ZC2HC1A: variants seen among roughly 807,000 people sequenced by gnomAD.
ZC2HC1A encodes zinc finger C2HC domain-containing protein 1A.
In ZC2HC1A, 28 loss-of-function variants were observed where a neutral mutation model predicts 40.7. That is an observed-to-expected ratio of 0.69 (90% CI 0.51 to 0.94). The LOEUF (loss-of-function observed/expected upper bound fraction) is 0.94. ZC2HC1A is among the 40% of genes least tolerant of loss of function. ZC2HC1A has a pLI of 0.00. For missense variants in ZC2HC1A, 389 were observed against 386.3 expected (o/e 1.01, Z -0.06); for synonymous variants, 129 against 129.2 (o/e 1.00, Z 0.01).
intron 8 of ZC2HC1A, 77 bp downstream of exon 8, chr8:78,715,405 G>T: frequency 7.7e-7 from 1 of 1,303,722 alleles, no homozygotes. Flanking sequence ...ATACACAAAA[G>T]TAAGTAACAA....
rs1811177535 is a variant in ZC2HC1A at position 78,718,683 on chromosome 8, A to C, written c.*1190A>C. 6.6e-6 allele frequency: 1 copy of C among 151,868 alleles called. No homozygotes were observed. Among genetic ancestry groups the C allele is most frequent in the South Asian group, 2.1e-4 (1 of 4,830 alleles). The allele number at this position is 151,868 out of a possible 1,614,324, so 9.4% of individuals were successfully genotyped here. A position where few individuals can be genotyped will look rare whatever the true frequency, so the allele number is the denominator to read the frequency against. On this transcript the variant is annotated 3_prime_UTR_variant, in exon 9 of 9. Coordinates refer to ENST00000263849, the MANE Select transcript of ZC2HC1A (RefSeq NM_016010.3). Reference sequence around the variant, plus strand: ...CCTAATTAAACATACACACAAATTTAATTATTTTTTTCTCTTTAACCTGAT... The same window carrying C: ...CCTAATTAAACATACACACAAATTTCATTATTTTTTTCTCTTTAACCTGAT...
chr8:78,711,544 T>G (rs1191641768), intron 7 of ZC2HC1A, among the ~76,000 whole-genome samples: 2 of 152,096 alleles, frequency 1.3e-5, no homozygotes, highest in Non-Finnish European at 2.9e-5. Context: ...GTACATGTTA[T>G]TTAGTCAATT....
rs557342849 is a variant in ZC2HC1A at position 78,706,633 on chromosome 8, T to A, written c.704+8120T>A. Among the ~76,000 whole-genome samples, 4 of 152,286 alleles carry A rather than the reference T, an allele frequency of 2.6e-5. No individual in the cohort carries two copies. In the East Asian group the frequency reaches 7.7e-4, roughly 29 times the overall value. On this transcript the variant is annotated intron_variant, in intron 7 of 8. Coordinates refer to ENST00000263849, the MANE Select transcript of ZC2HC1A (RefSeq NM_016010.3). ...TTTCTTTGTTCTCTGTGGGTCAAGT[T>A]GTTTCCTTGATTAGTCCCAATGCAA...
chr8:78,670,873 T>C (rs1288129338), intron 1 of ZC2HC1A, among the ~76,000 whole-genome samples: 1 of 152,160 alleles, frequency 6.6e-6, no homozygotes, highest in Non-Finnish European at 1.5e-5. Flanking sequence ...CAAAAACTCT[T>C]CTAGGATGAG....
chr8:78,709,511 A>G (rs941493884), intron 7 of ZC2HC1A, among the ~76,000 whole-genome samples: 2 of 152,114 alleles, frequency 1.3e-5, no homozygotes, highest in African/African-American at 4.8e-5. Flanking sequence ...GAGATTTTGG[A>G]TAGGGAGCTA....
chr8:78,679,678 C>T (rs1809702439), intron 3 of ZC2HC1A, among the ~76,000 whole-genome samples: 2 of 151,988 alleles, frequency 1.3e-5, no homozygotes, highest in Admixed American at 6.6e-5. Context: ...AGCTAAGTAC[C>T]TGATTGAATA....
At chr8:78,697,043 T>C (rs1372105314) in intron 5 of ZC2HC1A, among the ~76,000 whole-genome samples, 3 of 152,320 alleles carry the variant, frequency 2.0e-5, no homozygotes, top group Admixed American at 2.0e-4. Context: ...GGGAGTCTAG[T>C]TTGGAAAACC....
At chr8:78,715,865 C>A (rs926614903) in intron 8 of ZC2HC1A, among the ~76,000 whole-genome samples, 1 of 151,550 alleles carries the variant, frequency 6.6e-6, no homozygotes, top group African/African-American at 2.4e-5. Flanking sequence ...CATGGTGAAA[C>A]CCTGTCTCTA....
At chr8:78,712,121 C>A in intron 7 of ZC2HC1A, 1 of 1,247,234 alleles carries the variant, frequency 8.0e-7, no homozygotes. Context: ...GTATTTGTAA[C>A]TCAGTTTGGT....
At chr8:78,704,876 G>A (rs561364205) in intron 7 of ZC2HC1A, among the ~76,000 whole-genome samples, 3 of 151,982 alleles carry the variant, frequency 2.0e-5, no homozygotes, top group Non-Finnish European at 2.9e-5. Flanking sequence ...TTTGTTCTTC[G>A]CTTGGTCTCT....
rs145746665 is a variant in ZC2HC1A at position 78,684,049 on chromosome 8, G to T, written c.211-2418G>T. 6.5e-3 allele frequency among the ~76,000 whole-genome samples: 996 copies of T among 152,226 alleles called. 12 individuals carry two copies. Among genetic ancestry groups the T allele is most frequent in the African/African-American group, 0.022 (903 of 41,518 alleles). On this transcript the variant is annotated intron_variant, in intron 3 of 8. Transcript: ENST00000263849. ...TCAAAACCATTCAACAAGTTTCTAGGAAGTTCCAAACTTTCCCACATTTTT... is the reference window on the plus strand; with the variant it reads ...TCAAAACCATTCAACAAGTTTCTAGTAAGTTCCAAACTTTCCCACATTTTT...
chr8:78,672,461 T>C (rs1424088388), intron 1 of ZC2HC1A, among the ~76,000 whole-genome samples: 1 of 152,162 alleles, frequency 6.6e-6, no homozygotes, highest in Non-Finnish European at 1.5e-5. Flanking sequence ...CTTTCTATTA[T>C]CTGGTGATAA....
chr8:78,675,232 A>G (rs1809543381), intron 1 of ZC2HC1A, among the ~76,000 whole-genome samples: 1 of 151,840 alleles, frequency 6.6e-6, no homozygotes, highest in African/African-American at 2.4e-5. Context: ...GACTCTTAAT[A>G]TAAGTATTAT....
intron 7 of ZC2HC1A, among the ~76,000 whole-genome samples, chr8:78,709,133 A>G (rs1053526839): frequency 1.3e-5 from 2 of 152,222 alleles, no homozygotes; most frequent in Admixed American, 1.3e-4. Context: ...TGAAACTATC[A>G]AATATCAGAG....
At position 78,719,130 on chromosome 8, in the gene ZC2HC1A, T is replaced by C. The variant is rs1039118837; in HGVS notation, c.*1637T>C. ...AATAAGCTGTAATGAATTTAGAAGA[T>C]GAATGCATATATTAGATTTCCATTT... On this transcript the variant is annotated 3_prime_UTR_variant, in exon 9 of 9. Transcript: ENST00000263849. 1 of 151,812 alleles carries C rather than the reference T, an allele frequency of 6.6e-6. No homozygotes were observed. Among genetic ancestry groups the C allele is most frequent in the Non-Finnish European group, 1.5e-5 (1 of 67,700 alleles). 9.4% of individuals were successfully genotyped at this position (151,812 alleles called of 1,614,324 possible). A position where few individuals can be genotyped will look rare whatever the true frequency, so the allele number is the denominator to read the frequency against.
chr8:78,666,343 T>G (rs890863497), intron 1 of ZC2HC1A, among the ~76,000 whole-genome samples, 179 bp downstream of exon 1: 1 of 152,164 alleles, frequency 6.6e-6, no homozygotes, highest in Non-Finnish European at 1.5e-5. Context: ...GCGGTGGAGC[T>G]AACGCTACCA....
intron 4 of ZC2HC1A, among the ~76,000 whole-genome samples, chr8:78,687,447 A>G (rs535744022): frequency 1.4e-5 from 2 of 146,686 alleles, no homozygotes; most frequent in South Asian, 4.2e-4. Flanking sequence ...TAAGCCATAG[A>G]CTATATATAC....
At chr8:78,714,565 C>G (rs1811040827) in intron 7 of ZC2HC1A, among the ~76,000 whole-genome samples, 1 of 152,092 alleles carries the variant, frequency 6.6e-6, no homozygotes, top group African/African-American at 2.4e-5. Flanking sequence ...AATTCCCAAG[C>G]CTCTGCTTTT....
In ZC2HC1A at chr8:78,686,573, A is replaced by T; in HGVS notation, c.317A>T (p.Lys106Ile). ...GATCAGGCCCTCAAAGAGGGTGGCA[A>T]ACTTCCTCCTCCTCCTCCACCTTCT... ...GLDQALKEGG[K>I]LPPPPPPSYD... is the part of the protein sequence containing the mutation. Residue 106 changes from lysine (K) to isoleucine (I), a missense_variant, in exon 4 of 9, where the codon AAA becomes ATA. Lys to Ile is a moderately radical substitution (Grantham distance 102, BLOSUM62 -3). Transcript: ENST00000263849. The T allele has an allele frequency of 1.3e-6, 2 of 1,535,754 alleles. No individual in the cohort carries two copies. The highest frequency in any genetic ancestry group is 1.8e-6 in the Non-Finnish European group (2 of 1,140,776).
Sources: gnomAD v4.1 joint callset for allele counts (sites outside exome capture counted in the v4.1 genomes callset) on GRCh38, gnomAD v4.1.1 for gene constraint, MANE v1.5 for transcripts, NCBI Gene and HGNC (gene_info 2026-07-23, HGNC 2026-07-21) for gene names.